Variants in SETBP1 observed in about 807,000 individuals in gnomAD.
SETBP1 encodes SET binding protein 1.
A neutral mutation model predicts 101.0 loss-of-function variants in SETBP1; 9 were observed. The observed-to-expected ratio is 0.09, with a 90% CI of 0.05 to 0.16. The LOEUF (loss-of-function observed/expected upper bound fraction) is 0.16. Ranked by LOEUF, SETBP1 falls within the 10% of genes least tolerant of loss-of-function variation. The pLI is 1.00. For synonymous variants in SETBP1, 818 were observed against 788.5 expected, an observed-to-expected ratio of 1.04 and a Z score of -0.63; for missense variants, 1,858 against 2,033.8, an observed-to-expected ratio of 0.91 and a Z score of 1.66.
intron 4 of SETBP1, among the ~76,000 whole-genome samples, chr18:45,021,533 G>C (rs968097985): frequency 5.3e-5 from 8 of 152,210 alleles, no homozygotes; most frequent in African/African-American, 1.9e-4. Flanking sequence ...TCTTTCGTGT[G>C]TTCAAAGCTT....
intron 2 of SETBP1, among the ~76,000 whole-genome samples, chr18:44,782,684 A>T (rs111606616): frequency 6.6e-6 from 1 of 152,152 alleles, no homozygotes; most frequent in Non-Finnish European, 1.5e-5. Flanking sequence ...ACCCACAGGG[A>T]TTGATAGAAG....
chr18:45,059,490 A>G (rs1046754342), intron 5 of SETBP1, among the ~76,000 whole-genome samples: 3 of 152,074 alleles, frequency 2.0e-5, no homozygotes. Flanking sequence ...GCACAGTTTC[A>G]TCTTCTCCCT....
At chr18:44,738,582 TGCCCAAC>T (rs1291515768) in intron 2 of SETBP1, among the ~76,000 whole-genome samples, 1 of 152,120 alleles carries the variant, frequency 6.6e-6, no homozygotes, top group Non-Finnish European at 1.5e-5. Flanking sequence ...AAGACCAGCC[TGCCCAAC>T]ATGGTGAAAC....
intron 3 of SETBP1, among the ~76,000 whole-genome samples, chr18:44,902,020 A>G (rs11660213): frequency 0.5 from 75,657 of 152,010 alleles, 18,805 homozygotes; most frequent in Middle Eastern, 0.56. Context: ...GCTTTCATGT[A>G]GTAGCCAGTA....
chr18:44,880,473 G>T (rs958568723), intron 3 of SETBP1, among the ~76,000 whole-genome samples: 3 of 152,164 alleles, frequency 2.0e-5, no homozygotes, highest in African/African-American at 7.2e-5. Flanking sequence ...CCAAAGTAAA[G>T]AACATGGGGT....
intron 3 of SETBP1, among the ~76,000 whole-genome samples, chr18:44,930,263 G>A (rs1490298434): frequency 6.6e-6 from 1 of 152,190 alleles, no homozygotes; most frequent in Non-Finnish European, 1.5e-5. Flanking sequence ...TGTTGAACCA[G>A]CCTTGCATCC....
intron 2 of SETBP1, among the ~76,000 whole-genome samples, chr18:44,770,921 A>G (rs1160420237): frequency 6.6e-6 from 1 of 151,888 alleles, no homozygotes; most frequent in Non-Finnish European, 1.5e-5. Flanking sequence ...AATATAGAGA[A>G]CTGTGTGGCC....
chr18:45,057,649 C>T (rs2073831259), intron 5 of SETBP1, among the ~76,000 whole-genome samples: 2 of 152,296 alleles, frequency 1.3e-5, no homozygotes, highest in African/African-American at 4.8e-5. Flanking sequence ...GAAATGCACC[C>T]CAACTCCAGG....
intron 2 of SETBP1, among the ~76,000 whole-genome samples, chr18:44,767,179 C>G (rs189909573): frequency 6.6e-6 from 1 of 152,218 alleles, no homozygotes; most frequent in African/African-American, 2.4e-5. Flanking sequence ...AGTCATCTCC[C>G]TCTCCTGGGG....
chr18:44,865,822 G>T (rs533071242), intron 2 of SETBP1, among the ~76,000 whole-genome samples: 51 of 152,292 alleles, frequency 3.3e-4, no homozygotes, highest in African/African-American at 1.2e-3. Context: ...TTTTCAGGAC[G>T]CATTGTGAGA....
chr18:44,737,024 G>A (rs1395495212), intron 2 of SETBP1, among the ~76,000 whole-genome samples: 2 of 152,170 alleles, frequency 1.3e-5, no homozygotes, highest in Non-Finnish European at 2.9e-5. Flanking sequence ...GTAGACCGTA[G>A]ACACTTGGTA....
Position 44,701,499 on chromosome 18 carries a change from C to T in SETBP1, c.153C>T (p.Gly51=), listed in dbSNP as rs372870881. 286 of 1,613,786 alleles carry T rather than the reference C, an allele frequency of 1.8e-4. No individual in the cohort carries two copies. Among genetic ancestry groups the T allele is most frequent in the Non-Finnish European group, 2.3e-4 (274 of 1,179,858 alleles). ...GACCTGGGAAGGGGATCCCGGTGGG[C>T]GGAGAGCGCATGGAGCCAGAGGAGG... ...TPGPGKGIPV[G]GERMEPEEED... The change falls in exon 2 of 6, where the codon GGC becomes GGT. Residue 51 remains glycine (G), a synonymous_variant. Coordinates refer to ENST00000649279, the MANE Select transcript of SETBP1 (RefSeq NM_015559.3).
At chr18:44,806,322 C>A (rs2071734679) in intron 2 of SETBP1, among the ~76,000 whole-genome samples, 1 of 152,146 alleles carries the variant, frequency 6.6e-6, no homozygotes, top group South Asian at 2.1e-4. Context: ...CATATTTTAG[C>A]AGGAGTGGTC....
intron 2 of SETBP1, among the ~76,000 whole-genome samples, chr18:44,780,438 A>G (rs1449587749): frequency 6.6e-6 from 1 of 152,204 alleles, no homozygotes; most frequent in East Asian, 1.9e-4. Flanking sequence ...TAAATCGTAA[A>G]TATTTGTTTC....
intron 2 of SETBP1, among the ~76,000 whole-genome samples, chr18:44,843,976 A>G (rs2072672750): frequency 6.6e-6 from 1 of 152,148 alleles, no homozygotes; most frequent in African/African-American, 2.4e-5. Flanking sequence ...CAGGTTCACA[A>G]ACTCTTTTTG....
chr18:44,706,496 G>A (rs138286121), intron 2 of SETBP1, among the ~76,000 whole-genome samples: 2,481 of 145,570 alleles, frequency 0.017, 56 homozygotes, highest in African/African-American at 0.06. Context: ...GCTGAGGCAG[G>A]AGAATCGCTT....
At chr18:44,890,906 A>G (rs2069753018) in intron 3 of SETBP1, among the ~76,000 whole-genome samples, 1 of 152,112 alleles carries the variant, frequency 6.6e-6, no homozygotes, top group Non-Finnish European at 1.5e-5. Context: ...TTCCAAGTCT[A>G]GGGTTCTTGG....
At chr18:45,058,493 A>G (rs1437028854) in intron 5 of SETBP1, among the ~76,000 whole-genome samples, 4 of 152,228 alleles carry the variant, frequency 2.6e-5, no homozygotes, top group Non-Finnish European at 5.9e-5. Context: ...TAAATATAGA[A>G]GGGAACTTCC....
At chr18:44,829,761 C>T (rs2072316818) in intron 2 of SETBP1, among the ~76,000 whole-genome samples, 1 of 152,200 alleles carries the variant, frequency 6.6e-6, no homozygotes, top group Admixed American at 6.5e-5. Context: ...TGTCTTTAAT[C>T]TCTTTGATGT....
Sources: allele counts gnomAD v4.1 joint callset (sites outside exome capture counted in the v4.1 genomes callset), GRCh38; gene constraint gnomAD v4.1.1; transcripts MANE v1.5; gene names NCBI Gene and HGNC (gene_info 2026-07-23, HGNC 2026-07-21).